Variants in SNX13 observed in about 807,000 individuals in gnomAD.
SNX13 encodes the protein sorting nexin 13.
In SNX13, 45 loss-of-function variants were observed where a neutral mutation model predicts 133.6. The ratio of observed to expected loss-of-function variants is 0.34; its 90% confidence interval spans 0.27 to 0.43. The LOEUF is 0.43. Among genes scored for constraint, SNX13 ranks in the 20% least tolerant of loss-of-function variants. The pLI is 1.00. For missense variants in SNX13, 1,032 were observed against 1,145.1 expected, an observed-to-expected ratio of 0.90 and a Z score of 1.43; for synonymous variants, 414 against 373.9, an observed-to-expected ratio of 1.11 and a Z score of -1.24.
At chr7:17,811,946 G>A (rs1054056947) in intron 20 of SNX13, among the ~76,000 whole-genome samples, 1 of 152,126 alleles carries the variant, frequency 6.6e-6, no homozygotes, top group Non-Finnish European at 1.5e-5. Context: ...CTAGCCATAG[G>A]CAGAAAACTG....
At chr7:17,883,166 C>T (rs1401388697) in intron 5 of SNX13, among the ~76,000 whole-genome samples, 1 of 152,138 alleles carries the variant, frequency 6.6e-6, no homozygotes, top group Non-Finnish European at 1.5e-5. Flanking sequence ...GTCCTATATC[C>T]TATATTTCAA....
intron 1 of SNX13, among the ~76,000 whole-genome samples, chr7:17,915,317 C>G (rs1799424803): frequency 6.6e-6 from 1 of 152,204 alleles, no homozygotes; most frequent in African/African-American, 2.4e-5. Flanking sequence ...GAACCCTTAC[C>G]TAGGCGCCAC....
chr7:17,891,102 T>C (rs1377907810), intron 4 of SNX13, among the ~76,000 whole-genome samples: 4 of 151,978 alleles, frequency 2.6e-5, no homozygotes, highest in Non-Finnish European at 5.9e-5. Context: ...TATAATCATA[T>C]AATCAAACAT....
rs371484188 is a variant in SNX13 at position 17,860,313 on chromosome 7, C to T, written c.837+8094G>A. On this transcript the variant is annotated intron_variant, in intron 9 of 25. Transcript: ENST00000428135. ...ACTTCTGTGGAGATACACTATTTTGCACATTTTTAAATACTTTTCTTTTTC... is the reference window on the plus strand; with the variant it reads ...ACTTCTGTGGAGATACACTATTTTGTACATTTTTAAATACTTTTCTTTTTC... Among the ~76,000 whole-genome samples the T allele has an allele frequency of 1.2e-4, 19 of 152,200 alleles. No homozygotes were observed. The East Asian group carries it at 2.7e-3, about 22-fold the overall frequency.
intron 14 of SNX13, 116 bp downstream of exon 14, chr7:17,834,645 T>C: frequency 1.8e-6 from 1 of 568,770 alleles, no homozygotes; most frequent in Non-Finnish European, 3.0e-6. Context: ...ATAATTGCCA[T>C]AGTTTATCTT....
chr7:17,903,996 C>CA (rs371077766), intron 1 of SNX13, among the ~76,000 whole-genome samples: 12 of 151,830 alleles, frequency 7.9e-5, no homozygotes, highest in Admixed American at 3.3e-4. Context: ...CTCAGGGACA[C>CA]AAAAAAACAT....
intron 5 of SNX13, chr7:17,881,793 A>G (rs747091662): frequency 1.3e-5 from 2 of 152,162 alleles, no homozygotes; most frequent in Admixed American, 1.3e-4. Context: ...TTGAAGAACT[A>G]CTTTGTTAAC....
chr7:17,900,358 C>T (rs1259890798), intron 1 of SNX13: 1 of 152,300 alleles, frequency 6.6e-6, no homozygotes, highest in Non-Finnish European at 1.5e-5. Flanking sequence ...CTACAATCTA[C>T]AGGCAGTGAA....
At chr7:17,796,124 C>G (rs1477844324) in intron 25 of SNX13, 1 of 151,642 alleles carries the variant, frequency 6.6e-6, no homozygotes, top group African/African-American at 2.4e-5. Context: ...GGCAAAACAA[C>G]CATCACCACC....
chr7:17,850,710 T>G, intron 10 of SNX13, 116 bp downstream of exon 10: 1 of 860,040 alleles, frequency 1.2e-6, no homozygotes, highest in East Asian at 2.9e-5. Context: ...ATAAGGAAGA[T>G]TTAATTAAGG....
At chr7:17,869,343 G>C (rs1466250455) in intron 8 of SNX13, among the ~76,000 whole-genome samples, 3 of 151,820 alleles carry the variant, frequency 2.0e-5, no homozygotes, top group Non-Finnish European at 2.9e-5. Context: ...ATCTTCTCAA[G>C]GTCATTGTTT....
chr7:17,800,502 C>G (rs913933976), intron 22 of SNX13, among the ~76,000 whole-genome samples: 1 of 151,618 alleles, frequency 6.6e-6, no homozygotes, highest in Non-Finnish European at 1.5e-5. Flanking sequence ...AAATCAATCC[C>G]AGATGAACTG....
intron 1 of SNX13, among the ~76,000 whole-genome samples, chr7:17,912,072 G>A (rs888647332): frequency 6.6e-6 from 1 of 152,144 alleles, no homozygotes; most frequent in African/African-American, 2.4e-5. Flanking sequence ...GCAAAATAGT[G>A]CATAAAGATC....
intron 2 of SNX13, among the ~76,000 whole-genome samples, chr7:17,894,692 G>A (rs1018126840): frequency 6.6e-6 from 1 of 152,026 alleles, no homozygotes; most frequent in African/African-American, 2.4e-5. Context: ...GCAAAGTGTT[G>A]GAAATCCATC....
intron 1 of SNX13, among the ~76,000 whole-genome samples, chr7:17,930,965 T>C (rs1227967801): frequency 6.6e-6 from 1 of 151,836 alleles, no homozygotes; most frequent in African/African-American, 2.4e-5. Context: ...CCGAAACCAT[T>C]CCCCCCAACA....
intron 8 of SNX13, among the ~76,000 whole-genome samples, chr7:17,870,219 T>C (rs969512366): frequency 6.6e-6 from 1 of 152,132 alleles, no homozygotes; most frequent in Admixed American, 6.5e-5. Context: ...TTTAAAGGAA[T>C]AAAACATAGT....
intron 5 of SNX13, among the ~76,000 whole-genome samples, chr7:17,877,177 T>G (rs1000592744): frequency 6.6e-6 from 1 of 151,338 alleles, no homozygotes; most frequent in African/African-American, 2.4e-5. Context: ...GAGAAAGCCG[T>G]AAGTATATGA....
At chr7:17,874,787 A>G (rs1047183876) in intron 7 of SNX13, among the ~76,000 whole-genome samples, 7 of 152,190 alleles carry the variant, frequency 4.6e-5, no homozygotes, top group African/African-American at 1.7e-4. Context: ...TCCTCAGCTA[A>G]AACTTGTCTA....
Position 17,834,047 on chromosome 7 carries a change from C to A in SNX13, c.1597+5G>T. ...ATATTATGTGTAAAATGGGTGCCAC[C>A]TTACCTCCATCCCCATCATCGGATC... is the stretch of plus-strand genomic sequence containing the variant. On this transcript the variant is annotated splice_donor_5th_base_variant and intron_variant, in intron 15 of 25. Coordinates refer to ENST00000428135, the MANE Select transcript of SNX13 (RefSeq NM_015132.5). 6.5e-7 allele frequency: 1 copy of A among 1,539,652 alleles called. No homozygotes were observed. Among genetic ancestry groups the A allele is most frequent in the Non-Finnish European group, 8.8e-7 (1 of 1,136,656 alleles).
Sources: allele counts gnomAD v4.1 joint callset (sites outside exome capture counted in the v4.1 genomes callset), GRCh38; gene constraint gnomAD v4.1.1; transcripts MANE v1.5; gene names NCBI Gene and HGNC (gene_info 2026-07-23, HGNC 2026-07-21).